Variants in MTR observed in about 807,000 individuals in gnomAD.
The protein encoded by MTR is methionine synthase.
Under a neutral mutation model 154.8 loss-of-function variants are expected in MTR, and 84 were observed. The observed-to-expected ratio is 0.54, with a 90% CI of 0.45 to 0.65. MTR has a LOEUF of 0.65. Among genes scored for constraint, MTR ranks in the 30% least tolerant of loss-of-function variants. The pLI is 0.00. For synonymous variants in MTR, 554 were observed against 553.9 expected (o/e 1.00, Z 0.00); for missense variants, 1,275 against 1,570.2 (o/e 0.81, Z 3.18).
intron 24 of MTR, among the ~76,000 whole-genome samples, chr1:236,877,995 G>A (rs1665524145): frequency 6.6e-6 from 1 of 152,136 alleles, no homozygotes; most frequent in African/African-American, 2.4e-5. Flanking sequence ...ATTTGGATAT[G>A]CTTTTTAAAT....
chr1:236,836,438 T>G (rs1046489972), intron 14 of MTR, among the ~76,000 whole-genome samples: 5 of 152,144 alleles, frequency 3.3e-5, no homozygotes, highest in African/African-American at 1.2e-4. Flanking sequence ...GGTCTTGCTG[T>G]GTTCACAGGC....
rs1663024295 is a variant in MTR at position 236,838,307 on chromosome 1, G to T, written c.1330-107G>T. ...TATCTCTGACATACTACTATTTTTTGTTTATTGTTTTGCTAAAGAAGAAAT... is the reference window on the plus strand; with the variant it reads ...TATCTCTGACATACTACTATTTTTTTTTTATTGTTTTGCTAAAGAAGAAAT... On this transcript the variant is annotated intron_variant, in intron 14 of 32. Transcript: ENST00000366577. 3.6e-5 allele frequency: 41 copies of T among 1,154,510 alleles called. No individual in the cohort carries two copies. In the Admixed American group the frequency reaches 3.9e-4, roughly 11 times the overall value. The allele number at this position is 1,154,510 out of a possible 1,614,324, so 71.5% of individuals were successfully genotyped here. A position where few individuals can be genotyped will look rare whatever the true frequency, so the allele number is the denominator to read the frequency against.
intron 15 of MTR, among the ~76,000 whole-genome samples, chr1:236,846,651 G>T (rs1411223805): frequency 6.6e-6 from 1 of 152,106 alleles, no homozygotes; most frequent in Non-Finnish European, 1.5e-5. Context: ...ATTCAATGGA[G>T]TTTTGTAATT....
Position 236,874,708 on chromosome 1 carries a change from TAAAA to T in MTR, c.2474-7_2474-4del. The T allele has an allele frequency of 8.2e-7, 1 of 1,223,494 alleles. No homozygotes were observed. The highest frequency in any genetic ancestry group is 1.1e-6 in the Non-Finnish European group (1 of 919,178). 75.8% of individuals were successfully genotyped at this position (1,223,494 alleles called of 1,614,324 possible). A position where few individuals can be genotyped will look rare whatever the true frequency, so the allele number is the denominator to read the frequency against. On this transcript the variant is annotated splice_polypyrimidine_tract_variant and intron_variant, in intron 23 of 32. Transcript: ENST00000366577. ...ACTGTCCTTTTTGTCCTTTTTTTTT[TAAAA>T]AAAAAAAAAATAGATATAATTGGCC...
Position 236,824,148 on chromosome 1 carries a change from C to T in MTR, c.794C>T (p.Ala265Val). Residue 265 changes from alanine (A) to valine (V), a missense_variant, in exon 9 of 33, where the codon GCT becomes GTT. Transcript: ENST00000366577. ...GGATTAAATTGTGCTTTGGGTGCAG[C>T]TGAAATGAGACCTTTTATTGAAATA... ...CIGLNCALGA[A>V]EMRPFIEIIG... 2 of 1,613,936 alleles carry T rather than the reference C, an allele frequency of 1.2e-6. No individual in the cohort carries two copies. The highest frequency in any genetic ancestry group is 1.1e-5 in the South Asian group (1 of 91,072).
intron 15 of MTR, among the ~76,000 whole-genome samples, chr1:236,842,212 A>T (rs576138552): frequency 6.6e-6 from 1 of 152,088 alleles, no homozygotes; most frequent in East Asian, 1.9e-4. Flanking sequence ...ACTCTTGATT[A>T]TTTTTGTGAA....
chr1:236,897,518 T>G, intron 32 of MTR, 40 bp from the exon 33 acceptor site: 1 of 1,572,968 alleles, frequency 6.4e-7, no homozygotes, highest in Non-Finnish European at 8.8e-7. Context: ...CCAAAAGTCT[T>G]ATCATGTTGG....
intron 18 of MTR, among the ~76,000 whole-genome samples, chr1:236,856,466 C>G (rs1475148935): frequency 6.0e-5 from 9 of 149,140 alleles, no homozygotes; most frequent in East Asian, 1.9e-4. Context: ...CTTCTTTCTT[C>G]TTTCTTCTTT....
intron 18 of MTR, among the ~76,000 whole-genome samples, chr1:236,859,603 T>C (rs1664402352): frequency 6.6e-6 from 1 of 152,146 alleles, no homozygotes; most frequent in Non-Finnish European, 1.5e-5. Flanking sequence ...AGAATGGAAT[T>C]TTACTCTGTC....
intron 14 of MTR, among the ~76,000 whole-genome samples, chr1:236,838,115 G>A (rs1012934279): frequency 1.3e-5 from 2 of 152,098 alleles, no homozygotes; most frequent in African/African-American, 4.8e-5. Context: ...GGGCTTAGGC[G>A]CTTGAAAGTG....
In MTR at chr1:236,894,477, G is replaced by A; in HGVS notation, c.3325G>A (p.Glu1109Lys). The part of the protein sequence containing the change: ...LFAVACFGVE[E>K]LSKAYEDDGD... ...TGCCGTTGCCTGCTTTGGGGTAGAA[G>A]AGCTGAGCAAGGCCTATGAGGATGA... The change falls in exon 30 of 33, where the codon GAG (glutamate) becomes AAG (lysine). Residue 1109 changes from glutamate to lysine, a missense_variant. Physicochemically the swap from Glu to Lys is moderately conservative, Grantham distance 56. Transcript: ENST00000366577. The A allele has an allele frequency of 6.2e-7, 1 of 1,614,176 alleles. No individual in the cohort carries two copies. The highest frequency in any genetic ancestry group is 1.1e-5 in the South Asian group (1 of 91,070).
intron 15 of MTR, among the ~76,000 whole-genome samples, chr1:236,846,189 C>T (rs1024540872): frequency 7.9e-5 from 12 of 152,204 alleles, no homozygotes; most frequent in African/African-American, 2.7e-4. Flanking sequence ...TTATTCTTAA[C>T]TCTACATAAC....
chr1:236,893,621 A>G (rs1043194363), intron 29 of MTR, among the ~76,000 whole-genome samples: 5 of 152,232 alleles, frequency 3.3e-5, no homozygotes, highest in African/African-American at 1.2e-4. Flanking sequence ...ATTATAAGCT[A>G]TTTACCTTCT....
At chr1:236,856,426 A>G (rs1664205881) in intron 18 of MTR, among the ~76,000 whole-genome samples, 1 of 151,500 alleles carries the variant, frequency 6.6e-6, no homozygotes. Flanking sequence ...TAAATCTTGG[A>G]GTTCTCCCCA....
rs898815784 is a variant in MTR at position 236,863,564 on chromosome 1, G to A, written c.2405+10G>A. 6.2e-7 allele frequency: 1 copy of A among 1,608,574 alleles called. No homozygotes were observed. Among genetic ancestry groups the A allele is most frequent in the Non-Finnish European group, 8.5e-7 (1 of 1,175,118 alleles). ...GCTGCAATAATTTCCGGTAAGTTAG[G>A]ACCTCACCTCTTTCAACCCCTTTTC... is the stretch of plus-strand genomic sequence containing the variant. On this transcript the variant is annotated intron_variant, in intron 22 of 32. Coordinates refer to ENST00000366577, the MANE Select transcript of MTR (RefSeq NM_000254.3).
rs1431038337 is a variant in MTR, at chr1:236,903,770, T to C, written c.*6126T>C. 1 of 152,156 alleles carries C rather than the reference T, an allele frequency of 6.6e-6. No individual in the cohort carries two copies. The highest frequency in any genetic ancestry group is 6.5e-5 in the Admixed American group (1 of 15,276). The allele number at this position is 152,156 out of a possible 1,614,324, so 9.4% of individuals were successfully genotyped here. The stretch of plus-strand genomic sequence containing the variant: ...AACTCTCACAATCTTGTTTCTTCAT[T>C]TCCCAGAGAGAAACTCGGCAAAGAG... On this transcript the variant is annotated 3_prime_UTR_variant, in exon 33 of 33. Transcript: ENST00000366577.
chr1:236,809,722 C>T (rs1372309531), intron 4 of MTR, among the ~76,000 whole-genome samples: 2 of 152,258 alleles, frequency 1.3e-5, no homozygotes, highest in East Asian at 3.9e-4. Context: ...TATCAATTAG[C>T]TGATAGTCCT....
intron 6 of MTR, 74 bp downstream of exon 6, chr1:236,812,918 T>C: frequency 1.8e-6 from 2 of 1,112,670 alleles, no homozygotes; most frequent in Non-Finnish European, 2.8e-6. Context: ...AGGGAGAAGA[T>C]AATATTAGCC....
At chr1:236,813,921 T>G (rs1661449064) in intron 6 of MTR, among the ~76,000 whole-genome samples, 1 of 152,106 alleles carries the variant, frequency 6.6e-6, no homozygotes, top group South Asian at 2.1e-4. Flanking sequence ...CAGATTCTAT[T>G]TTTTTGTTGT....
Sources: allele counts gnomAD v4.1 joint callset (sites outside exome capture counted in the v4.1 genomes callset), GRCh38; gene constraint gnomAD v4.1.1; transcripts MANE v1.5; gene names NCBI Gene and HGNC (gene_info 2026-07-23, HGNC 2026-07-21).